The following MDGA1 variants were observed in gnomAD, a reference collection of about 807,000 sequenced individuals.
MDGA1 encodes the protein MAM domain-containing glycosylphosphatidylinositol anchor protein 1.
MDGA1 carries 54 observed loss-of-function variants against 101.5 expected under a neutral mutation model. That is an observed-to-expected ratio of 0.53 (90% CI 0.43 to 0.67). The LOEUF (loss-of-function observed/expected upper bound fraction) is 0.67, where lower values mean the gene tolerates loss of function less well. Among genes scored for constraint, MDGA1 ranks in the 30% least tolerant of loss-of-function variants. The pLI, the probability that MDGA1 is intolerant of heterozygous loss-of-function variation, is 0.00. For synonymous variants in MDGA1, 533 were observed against 558.3 expected (o/e 0.95, Z 0.64); for missense variants, 1,083 against 1,323.8 (o/e 0.82, Z 2.82).
In MDGA1 at chr6:37,631,363, A is replaced by T; in HGVS notation, c.*6005T>A. On this transcript the variant is annotated 3_prime_UTR_variant, in exon 17 of 17. Transcript: ENST00000434837. ...CCTACAGCAGTGGTGAGTCCCTTAG[A>T]CCCTTCCTCTTCCATTAGAAAAGAA... is the stretch of plus-strand genomic sequence containing the variant. The T allele has an allele frequency of 6.6e-6, 1 of 152,012 alleles. No individual in the cohort carries two copies. Among genetic ancestry groups the T allele is most frequent in the East Asian group, 1.9e-4 (1 of 5,184 alleles). 9.4% of individuals were successfully genotyped at this position (152,012 alleles called of 1,614,324 possible).
chr6:37,651,358 G>A (rs1425600254), intron 7 of MDGA1, among the ~76,000 whole-genome samples: 1 of 152,188 alleles, frequency 6.6e-6, no homozygotes, highest in Non-Finnish European at 1.5e-5. Context: ...ATGTACCCAT[G>A]TTCCACATTA....
chr6:37,663,745 T>C (rs1761677726), intron 2 of MDGA1, among the ~76,000 whole-genome samples: 1 of 152,212 alleles, frequency 6.6e-6, no homozygotes, highest in Non-Finnish European at 1.5e-5. Context: ...CATTCCATTT[T>C]TCCCCTCAGC....
At position 37,679,356 on chromosome 6, in the gene MDGA1, G is replaced by A. The variant is rs529824284; in HGVS notation, c.68-15250C>T. 3.9e-5 allele frequency among the ~76,000 whole-genome samples: 6 copies of A among 152,300 alleles called. No homozygotes were observed. The East Asian group carries it at 7.7e-4, about 20-fold the overall frequency. Reference sequence around the variant, plus strand: ...GGGCTGTGGATGCGGGAGGAGGGAGGCTGCCCCTTGGGAGGAAAATGGGGT... The same window carrying A: ...GGGCTGTGGATGCGGGAGGAGGGAGACTGCCCCTTGGGAGGAAAATGGGGT... On this transcript the variant is annotated intron_variant, in intron 1 of 16. Coordinates refer to ENST00000434837, the MANE Select transcript of MDGA1 (RefSeq NM_153487.4).
intron 8 of MDGA1, chr6:37,649,870 A>ATTTTTT: frequency 3.1e-6 from 2 of 635,410 alleles, no homozygotes; most frequent in African/African-American, 1.8e-5. Flanking sequence ...AAATCAAGTA[A>ATTTTTT]TTTTTTTTTT....
At chr6:37,680,026 G>T (rs566099298) in intron 1 of MDGA1, among the ~76,000 whole-genome samples, 1 of 152,182 alleles carries the variant, frequency 6.6e-6, no homozygotes, top group African/African-American at 2.4e-5. Context: ...ATTAGATCTC[G>T]ATGGTGTCAT....
chr6:37,675,098 A>C (rs1761950046), intron 1 of MDGA1, among the ~76,000 whole-genome samples: 1 of 152,164 alleles, frequency 6.6e-6, no homozygotes, highest in South Asian at 2.1e-4. Flanking sequence ...GTTAATGATG[A>C]GGGGACACAG....
chr6:37,692,991 GACCCCTC>G (rs1421291943), intron 1 of MDGA1, among the ~76,000 whole-genome samples: 1 of 152,218 alleles, frequency 6.6e-6, no homozygotes, highest in African/African-American at 2.4e-5. Context: ...AGGGTCTGGG[GACCCCTC>G]ACACTGGCTA....
intron 1 of MDGA1, chr6:37,664,376 T>G: frequency 2.2e-6 from 1 of 455,694 alleles, no homozygotes; most frequent in Non-Finnish European, 4.0e-6. Flanking sequence ...GAAGGGGCTT[T>G]GTCATCTGTA....
intron 1 of MDGA1, among the ~76,000 whole-genome samples, chr6:37,671,512 G>C (rs758666906): frequency 2.0e-5 from 3 of 152,166 alleles, no homozygotes; most frequent in Non-Finnish European, 4.4e-5. Context: ...ATCCTAATGA[G>C]CACAGCCGAG....
Position 37,696,697 on chromosome 6 carries a change from G to T in MDGA1, c.67+48C>A. ...GCGCGCACTTTGCGCCTCTTGCAAA[G>T]TTTCCGCGCGAGGTTAAGCCAAGGT... On this transcript the variant is annotated intron_variant, in intron 1 of 16. Coordinates refer to ENST00000434837, the MANE Select transcript of MDGA1 (RefSeq NM_153487.4). This position sits in a 1 kb window ranked among gnomAD's most constrained non-coding sequence, Gnocchi z 5.6. 6.5e-7 allele frequency: 1 copy of T among 1,538,322 alleles called. No homozygotes were observed. Among genetic ancestry groups the T allele is most frequent in the Non-Finnish European group, 8.8e-7 (1 of 1,133,690 alleles).
chr6:37,641,989 G>C (rs1764094550), intron 14 of MDGA1: 1 of 152,080 alleles, frequency 6.6e-6, no homozygotes, highest in African/African-American at 2.4e-5. Context: ...ATCTACATTT[G>C]CTTAAAGTCA....
rs1481852097 is a variant in MDGA1 at position 37,696,601 on chromosome 6, C to A, written c.67+144G>T. The A allele has an allele frequency of 1.2e-5, 9 of 766,532 alleles. No homozygotes were observed. Among genetic ancestry groups the A allele is most frequent in the Non-Finnish European group, 2.0e-5 (9 of 454,296 alleles). 47.5% of individuals were successfully genotyped at this position (766,532 alleles called of 1,614,324 possible). The stretch of plus-strand genomic sequence containing the variant: ...CGAAGCAGCTAGCTCGGTCTCCACG[C>A]GCCCTGGAGAGGGCGGGGACGCGGG... On this transcript the variant is annotated intron_variant, in intron 1 of 16. Transcript: ENST00000434837. This position sits in a 1 kb window ranked among gnomAD's most constrained non-coding sequence, Gnocchi z 5.6.
At chr6:37,682,250 C>T (rs570485480) in intron 1 of MDGA1, among the ~76,000 whole-genome samples, 3 of 152,230 alleles carry the variant, frequency 2.0e-5, no homozygotes, top group African/African-American at 7.2e-5. Flanking sequence ...TTTGGGAGGC[C>T]GAGGTGGGCA....
At chr6:37,662,939 T>C (rs1312999276) in intron 2 of MDGA1, among the ~76,000 whole-genome samples, 1 of 152,158 alleles carries the variant, frequency 6.6e-6, no homozygotes, top group Non-Finnish European at 1.5e-5. Flanking sequence ...ATCGACCTAC[T>C]CCAGCAGCAT....
rs373723422 is a variant in MDGA1 at position 37,643,895 on chromosome 6, C to T, written c.2450G>A (p.Arg817His). 3.7e-5 allele frequency: 60 copies of T among 1,613,852 alleles called. No homozygotes were observed. Among genetic ancestry groups the T allele is most frequent in the Non-Finnish European group, 4.7e-5 (55 of 1,179,878 alleles). ...ETSRPRELGD[R>H]ARLVSPLYNA... ...GTAGAGGGGACTCACTAACCTTGCACGGTCCCCCAGCTCCCGAGGCCTCGA... is the reference window on the plus strand; with the variant it reads ...GTAGAGGGGACTCACTAACCTTGCATGGTCCCCCAGCTCCCGAGGCCTCGA... The change falls in exon 14 of 17, where the codon CGT becomes CAT. Residue 817 changes from arginine to histidine, a missense_variant. This residue lies in a region of MDGA1 where 657 missense variants were observed against 771.4 expected (regional missense o/e 0.85). Coordinates refer to ENST00000434837, the MANE Select transcript of MDGA1 (RefSeq NM_153487.4).
At chr6:37,656,241 C>G (rs1197102209) in intron 3 of MDGA1, among the ~76,000 whole-genome samples, 10 of 151,852 alleles carry the variant, frequency 6.6e-5, no homozygotes, top group Admixed American at 1.3e-4. Context: ...CCATGCCCAG[C>G]TAATTTTTGT....
At chr6:37,675,920 G>A (rs1761968798) in intron 1 of MDGA1, among the ~76,000 whole-genome samples, 2 of 152,160 alleles carry the variant, frequency 1.3e-5, no homozygotes, top group African/African-American at 2.4e-5. Context: ...ATTGAACCAA[G>A]CCCACGGAAA....
intron 2 of MDGA1, among the ~76,000 whole-genome samples, chr6:37,662,643 A>AAAAAAAAAAGAAAAGAAAAG (rs572346506): frequency 1.4e-5 from 2 of 145,228 alleles, no homozygotes; most frequent in Non-Finnish European, 1.5e-5. Flanking sequence ...TCAAAAAAAA[A>AAAAAAAAAAGAAAAGAAAAG]AAAACAAGGA....
chr6:37,668,386 T>C (rs750538664), intron 1 of MDGA1, among the ~76,000 whole-genome samples: 2 of 152,246 alleles, frequency 1.3e-5, no homozygotes, highest in Non-Finnish European at 2.9e-5. Context: ...CTCCATGATG[T>C]AGCAATTTCA....
Sources: allele counts gnomAD v4.1 joint callset (sites outside exome capture counted in the v4.1 genomes callset), GRCh38; gene constraint gnomAD v4.1.1; regional missense constraint gnomAD v4.1.1; non-coding constraint Gnocchi (gnomAD v3.1); transcripts MANE v1.5; gene names NCBI Gene and HGNC (gene_info 2026-07-23, HGNC 2026-07-21).